Variants in ZNF469 observed in about 807,000 individuals in gnomAD.
ZNF469 encodes the protein zinc finger protein 469.
ZNF469 carries 1 observed loss-of-function variant against 1.0 expected under a neutral mutation model. That is an observed-to-expected ratio of 1.00 (90% confidence interval 0.35 to 4.73). The LOEUF is 4.73. ZNF469 is among the 30% of genes most tolerant of loss of function. ZNF469 has a pLI of 0.16. For synonymous variants in ZNF469, 2,703 were observed against 2,363.4 expected (o/e 1.14, Z -4.17); for missense variants, 6,100 against 5,356.3 (o/e 1.14, Z -4.33).
chr16:88,173,842 A>G, the ZNF469 span, among the ~76,000 whole-genome samples: 3 of 152,154 alleles, frequency 2.0e-5, no homozygotes, highest in African/African-American at 4.8e-5. Context: ...AAATTAAGGG[A>G]TAGCTAATAA....
the ZNF469 span, among the ~76,000 whole-genome samples, chr16:88,296,463 C>T: frequency 1.4e-5 from 2 of 145,024 alleles, no homozygotes; most frequent in Non-Finnish European, 3.0e-5. Flanking sequence ...CCCTCCCCCC[C>T]ACACACAGTG....
chr16:88,235,046 G>C, the ZNF469 span: 30 of 152,346 alleles, frequency 2.0e-4, no homozygotes, highest in African/African-American at 7.2e-4. Flanking sequence ...CGCCAAGCTC[G>C]GGTCCTGCAG....
At chr16:88,174,092 C>A in the ZNF469 span, among the ~76,000 whole-genome samples, 2 of 151,916 alleles carry the variant, frequency 1.3e-5, no homozygotes, top group African/African-American at 4.8e-5. Flanking sequence ...GTATATGTTG[C>A]CTACAAGAAA....
the ZNF469 span, among the ~76,000 whole-genome samples, chr16:88,212,642 G>A: frequency 4.3e-3 from 651 of 152,082 alleles, 2 homozygotes; most frequent in Non-Finnish European, 5.6e-3. Flanking sequence ...GTGAGGTGGT[G>A]CCATCTTGAC....
chr16:88,116,988 CACACCAG>C, the ZNF469 span, among the ~76,000 whole-genome samples: 3 of 120,230 alleles, frequency 2.5e-5, no homozygotes, highest in Admixed American at 2.6e-4. Flanking sequence ...CACACACACA[CACACCAG>C]GGCATGCAGA....
the ZNF469 span, among the ~76,000 whole-genome samples, chr16:88,185,424 C>T: frequency 6.6e-6 from 1 of 152,172 alleles, no homozygotes; most frequent in African/African-American, 2.4e-5. Context: ...CACATGAATA[C>T]AATAGAAACA....
the ZNF469 span, among the ~76,000 whole-genome samples, chr16:88,320,186 T>G: frequency 6.6e-6 from 1 of 152,262 alleles, no homozygotes; most frequent in Non-Finnish European, 1.5e-5. Flanking sequence ...ACGTGTTTAC[T>G]AAGTGATAAT....
intron 1 of ZNF469, among the ~76,000 whole-genome samples, chr16:88,395,636 C>T (rs938720285): frequency 6.6e-6 from 1 of 152,028 alleles, no homozygotes; most frequent in East Asian, 1.9e-4. Flanking sequence ...GGGTAGATAA[C>T]ATTATAATGT....
the ZNF469 span, among the ~76,000 whole-genome samples, chr16:88,320,206 T>C: frequency 1.3e-5 from 2 of 152,206 alleles, no homozygotes; most frequent in Non-Finnish European, 2.9e-5. Flanking sequence ...TTCCACCCAA[T>C]TTATATAATC....
In ZNF469 at chr16:88,432,805, G is replaced by C; in HGVS notation, c.5335G>C (p.Glu1779Gln). The change falls in exon 3 of 3, where the codon GAG becomes CAG. Residue 1779 changes from glutamate (E) to glutamine (Q), a missense_variant. Coordinates refer to ENST00000565624, the MANE Select transcript of ZNF469 (RefSeq NM_001367624.2). ...PCEQRGGFLP[E>Q]PGTADQPHRG... ...TGAACAGAGAGGAGGGTTCCTCCCA[G>C]AGCCCGGCACAGCAGACCAGCCCCA... is the stretch of plus-strand genomic sequence containing the variant. The C allele has an allele frequency of 6.4e-7, 1 of 1,550,390 alleles. No individual in the cohort carries two copies.
At position 88,435,066 on chromosome 16, in the gene ZNF469, G is replaced by C. The variant is rs1597212264; in HGVS notation, c.7596G>C (p.Arg2532Ser). 6.5e-7 allele frequency: 1 copy of C among 1,550,266 alleles called. No individual in the cohort carries two copies. Among genetic ancestry groups the C allele is most frequent in the African/African-American group, 1.4e-5 (1 of 73,044 alleles). The change falls in exon 3 of 3, where the codon AGG (arginine) becomes AGC (serine). Residue 2532 changes from arginine to serine, a missense_variant. Physicochemically the swap from Arg to Ser is moderately radical, Grantham distance 110. Transcript: ENST00000565624. ...KCQPPRKKSH[R>S]VSGKERPNHS... is the part of the protein sequence containing the mutation. ...AGCCGCCCAGGAAGAAAAGCCACAG[G>C]GTGTCTGGGAAGGAGAGACCAAATC...
chr16:88,185,281 CCAGA>C, the ZNF469 span, among the ~76,000 whole-genome samples: 1 of 152,054 alleles, frequency 6.6e-6, no homozygotes, highest in Non-Finnish European at 1.5e-5. Context: ...ACTAGTATAG[CCAGA>C]CACACAGGCA....
chr16:88,236,373 A>C, the ZNF469 span, among the ~76,000 whole-genome samples: 2 of 152,264 alleles, frequency 1.3e-5, no homozygotes, highest in Admixed American at 1.3e-4. Context: ...TATTGCTACA[A>C]ACAGCCTGTG....
At chr16:88,350,038 A>G in the ZNF469 span, among the ~76,000 whole-genome samples, 2 of 151,902 alleles carry the variant, frequency 1.3e-5, no homozygotes. Context: ...CACCCACATC[A>G]CACACAGACA....
chr16:88,366,251 C>G, the ZNF469 span, among the ~76,000 whole-genome samples: 1 of 149,906 alleles, frequency 6.7e-6, no homozygotes, highest in African/African-American at 2.5e-5. Flanking sequence ...ACCACCATCA[C>G]CACCACTATT....
intron 1 of ZNF469, among the ~76,000 whole-genome samples, chr16:88,419,556 C>A (rs532338841): frequency 6.6e-6 from 1 of 152,284 alleles, no homozygotes; most frequent in African/African-American, 2.4e-5. Context: ...CAGGGTGGGA[C>A]AGGTGGGGCC....
chr16:88,144,699 C>A, the ZNF469 span, among the ~76,000 whole-genome samples: 1 of 152,154 alleles, frequency 6.6e-6, no homozygotes, highest in South Asian at 2.1e-4. Context: ...AAGGAGAAGG[C>A]GAAGCTCTAT....
At chr16:88,159,179 T>G in the ZNF469 span, among the ~76,000 whole-genome samples, 4 of 105,192 alleles carry the variant, frequency 3.8e-5, no homozygotes, top group Non-Finnish European at 9.2e-5. Flanking sequence ...CCACTCACTG[T>G]CCTGGTCACG....
Position 88,387,234 on chromosome 16 carries a change from A to G in ZNF469, c.-192+3980A>G, listed in dbSNP as rs148545740. ...CTGCGTGCCTGCGGAAGCTGCCCTC[A>G]GTGGCCGGAGGGTTGCGGCCTTGGC... On this transcript the variant is annotated intron_variant, in intron 1 of 2. Transcript: ENST00000565624. 1.3e-3 allele frequency among the ~76,000 whole-genome samples: 195 copies of G among 152,320 alleles called. 1 individual carries two copies. Among genetic ancestry groups the G allele is most frequent in the African/African-American group, 3.8e-3 (159 of 41,570 alleles).
Sources: gnomAD v4.1 joint callset for allele counts (sites outside exome capture counted in the v4.1 genomes callset) on GRCh38, gnomAD v4.1.1 for gene constraint, MANE v1.5 for transcripts, NCBI Gene and HGNC (gene_info 2026-07-23, HGNC 2026-07-21) for gene names.